LHFPL6: variants seen among roughly 807,000 people sequenced by gnomAD.
LHFPL6 encodes LHFPL tetraspan subfamily member 6.
LHFPL6 carries 9 observed loss-of-function variants against 20.6 expected under a neutral mutation model. The ratio of observed to expected loss-of-function variants is 0.44; its 90% CI spans 0.26 to 0.76. The LOEUF (loss-of-function observed/expected upper bound fraction) is 0.76. Ranked by LOEUF, LHFPL6 falls within the 30% of genes least tolerant of loss-of-function variation. The probability of loss-of-function intolerance (pLI) is 0.20; values close to 1 mark genes in which losing one functional copy is unlikely to be tolerated. For synonymous variants in LHFPL6, 105 were observed against 98.7 expected, an observed-to-expected ratio of 1.06 and a Z score of -0.38; for missense variants, 218 against 253.5, an observed-to-expected ratio of 0.86 and a Z score of 0.95.
intron 2 of LHFPL6, among the ~76,000 whole-genome samples, chr13:39,394,870 A>G (rs1870804768): frequency 6.6e-6 from 1 of 152,214 alleles, no homozygotes; most frequent in Admixed American, 6.5e-5. Flanking sequence ...TGCTCGGTCC[A>G]AAGCATTTTC....
Position 39,601,342 on chromosome 13 carries a change from G to T in LHFPL6, c.-126C>A. 1 of 890,608 alleles carries T rather than the reference G, an allele frequency of 1.1e-6. No individual in the cohort carries two copies. The highest frequency in any genetic ancestry group is 1.7e-5 in the African/African-American group (1 of 60,134). 55.2% of individuals were successfully genotyped at this position (890,608 alleles called of 1,614,324 possible). ...TTCCGTAATGCAGAATGGATCTTCA[G>T]TCTTACTGGGCATCAACTTTCCATC... is the stretch of plus-strand genomic sequence containing the variant. On this transcript the variant is annotated 5_prime_UTR_variant, in exon 2 of 4. In the 5' UTR this introduces an upstream ATG that the reference lacks. Transcript: ENST00000379589.
intron 3 of LHFPL6, among the ~76,000 whole-genome samples, chr13:39,361,928 G>A (rs1016179284): frequency 2.6e-5 from 4 of 152,218 alleles, no homozygotes; most frequent in Middle Eastern, 3.2e-3. Context: ...AAAAGGGCAG[G>A]AGGGAGGTAG....
intron 2 of LHFPL6, among the ~76,000 whole-genome samples, chr13:39,400,775 T>C (rs558438068): frequency 9.7e-5 from 7 of 72,422 alleles, no homozygotes; most frequent in African/African-American, 3.7e-4. Flanking sequence ...AGAGCGAGAC[T>C]CCGTCTCAAA....
chr13:39,352,906 T>C lies in LHFPL6; in HGVS notation c.485-8852A>G, dbSNP rs1442062169. Among the ~76,000 whole-genome samples, 75 of 34,404 alleles carry C rather than the reference T, an allele frequency of 2.2e-3. 1 individual carries two copies. The highest frequency in any genetic ancestry group is 4.1e-3 in the African/African-American group (45 of 10,998). The allele number at this position is 34,404 out of a possible 152,430, so 22.6% of individuals were successfully genotyped here. On this transcript the variant is annotated intron_variant, in intron 3 of 3. Coordinates refer to ENST00000379589, the MANE Select transcript of LHFPL6 (RefSeq NM_005780.3). The stretch of plus-strand genomic sequence containing the variant: ...ATGTATATATATGTGTATATATATA[T>C]AAATGTATATATATATAAATGTATA...
chr13:39,521,212 C>G (rs781018105), intron 2 of LHFPL6, among the ~76,000 whole-genome samples: 35 of 152,016 alleles, frequency 2.3e-4, no homozygotes, highest in Admixed American at 1.0e-3. Flanking sequence ...CTCACAGCTT[C>G]AATCAGTACT....
At chr13:39,452,892 T>C (rs1872487053) in intron 2 of LHFPL6, among the ~76,000 whole-genome samples, 1 of 152,252 alleles carries the variant, frequency 6.6e-6, no homozygotes, top group Non-Finnish European at 1.5e-5. Flanking sequence ...TTCTCTATAG[T>C]TCTGTACCAT....
intron 2 of LHFPL6, among the ~76,000 whole-genome samples, chr13:39,599,754 A>G (rs1872874122): frequency 6.6e-6 from 1 of 152,228 alleles, no homozygotes; most frequent in African/African-American, 2.4e-5. Flanking sequence ...AAATACTCTG[A>G]AATAATCCAT....
chr13:39,518,282 C>A (rs1442068233), intron 2 of LHFPL6, among the ~76,000 whole-genome samples: 1 of 152,132 alleles, frequency 6.6e-6, no homozygotes, highest in Non-Finnish European at 1.5e-5. Context: ...TTAGTTTTCC[C>A]AGATCCCAAA....
intron 2 of LHFPL6, among the ~76,000 whole-genome samples, chr13:39,552,259 G>A (rs1213154228): frequency 6.6e-6 from 1 of 152,144 alleles, no homozygotes; most frequent in Non-Finnish European, 1.5e-5. Flanking sequence ...AACAGAGGCA[G>A]GGGTCAGCAT....
intron 2 of LHFPL6, among the ~76,000 whole-genome samples, chr13:39,452,233 G>T (rs940443074): frequency 2.6e-5 from 4 of 152,134 alleles, no homozygotes; most frequent in Admixed American, 2.0e-4. Flanking sequence ...TCCAGACAAG[G>T]CTTCACAGAA....
chr13:39,431,119 G>T (rs184150840), intron 2 of LHFPL6, among the ~76,000 whole-genome samples: 1 of 152,266 alleles, frequency 6.6e-6, no homozygotes, highest in East Asian at 1.9e-4. Context: ...CACTGGGAAG[G>T]TCTGCTGCTT....
chr13:39,410,357 T>C (rs1422540623), intron 2 of LHFPL6, among the ~76,000 whole-genome samples: 1 of 152,146 alleles, frequency 6.6e-6, no homozygotes, highest in Non-Finnish European at 1.5e-5. Context: ...CTATTCCCAT[T>C]GCCATGGTGA....
chr13:39,477,390 T>A (rs1274348759), intron 2 of LHFPL6, among the ~76,000 whole-genome samples: 1 of 152,218 alleles, frequency 6.6e-6, no homozygotes, highest in African/African-American at 2.4e-5. Flanking sequence ...ATTTTTAGAA[T>A]TCTATTTGCA....
intron 2 of LHFPL6, among the ~76,000 whole-genome samples, chr13:39,427,206 T>A (rs749090087): frequency 2.6e-5 from 4 of 152,220 alleles, no homozygotes; most frequent in Non-Finnish European, 4.4e-5. Flanking sequence ...TCTTGTTTCC[T>A]ATACGGACGA....
chr13:39,445,838 A>C (rs1055959358), intron 2 of LHFPL6, among the ~76,000 whole-genome samples: 4 of 152,166 alleles, frequency 2.6e-5, no homozygotes, highest in Admixed American at 2.0e-4. Flanking sequence ...CTCCAAAATG[A>C]GTCTTCAAAG....
At chr13:39,405,103 A>C (rs1871087120) in intron 2 of LHFPL6, among the ~76,000 whole-genome samples, 1 of 152,182 alleles carries the variant, frequency 6.6e-6, no homozygotes. Flanking sequence ...AACAAAGACC[A>C]ATAAAATTGA....
At chr13:39,537,635 A>C (rs1314251902) in intron 2 of LHFPL6, among the ~76,000 whole-genome samples, 1 of 152,192 alleles carries the variant, frequency 6.6e-6, no homozygotes, top group Non-Finnish European at 1.5e-5. Flanking sequence ...CTCATTATCA[A>C]GCTTTACCAT....
At chr13:39,530,255 A>C (rs989882577) in intron 2 of LHFPL6, among the ~76,000 whole-genome samples, 1 of 151,900 alleles carries the variant, frequency 6.6e-6, no homozygotes, top group Non-Finnish European at 1.5e-5. Context: ...TTCAAAAAAA[A>C]AAAAAAGTAT....
intron 2 of LHFPL6, among the ~76,000 whole-genome samples, chr13:39,574,599 G>A (rs1344188677): frequency 6.6e-6 from 1 of 151,838 alleles, no homozygotes; most frequent in South Asian, 2.1e-4. Context: ...CGATTTTTGC[G>A]TGTTAAAATC....
Sources: gnomAD v4.1 joint callset for allele counts (sites outside exome capture counted in the v4.1 genomes callset) on GRCh38, gnomAD v4.1.1 for gene constraint, MANE v1.5 for transcripts, NCBI Gene and HGNC (gene_info 2026-07-23, HGNC 2026-07-21) for gene names.